The following TNFSF15 variants were observed in gnomAD, a reference collection of about 807,000 sequenced individuals.
The protein encoded by TNFSF15 is TNF superfamily member 15, also known as tumor necrosis factor ligand superfamily member 15.
A neutral mutation model predicts 26.4 loss-of-function variants in TNFSF15; 15 were observed. That is an observed-to-expected ratio of 0.57 (90% CI 0.38 to 0.87). The LOEUF (loss-of-function observed/expected upper bound fraction) is 0.87. TNFSF15 is among the 40% of genes least tolerant of loss of function. The pLI, the probability that TNFSF15 is intolerant of heterozygous loss-of-function variation, is 0.00. For missense variants in TNFSF15, 290 were observed against 306.1 expected, an observed-to-expected ratio of 0.95 and a Z score of 0.39; for synonymous variants, 116 against 115.0, an observed-to-expected ratio of 1.01 and a Z score of -0.06.
At position 114,791,007 on chromosome 9, in the gene TNFSF15, A is replaced by G. The variant is rs1829589518; in HGVS notation, c.302-101T>C. 5 of 1,194,180 alleles carry G rather than the reference A, an allele frequency of 4.2e-6. No individual in the cohort carries two copies. In the South Asian group the frequency reaches 4.4e-5, roughly 10 times the overall value. 74.0% of individuals were successfully genotyped at this position (1,194,180 alleles called of 1,614,324 possible). ...TTTCAAAATAGACTAAAGTGATCGA[A>G]TATACCTAACAGCTAAAAACTGCTT... is the stretch of plus-strand genomic sequence containing the variant. On this transcript the variant is annotated intron_variant, in intron 3 of 3. Coordinates refer to ENST00000374045, the MANE Select transcript of TNFSF15 (RefSeq NM_005118.4).
At chr9:114,796,105 G>C (rs1829669854) in intron 1 of TNFSF15, among the ~76,000 whole-genome samples, 1 of 152,202 alleles carries the variant, frequency 6.6e-6, no homozygotes, top group South Asian at 2.1e-4. Context: ...TACCAGACCT[G>C]AAATTTTCTT....
At position 114,790,827 on chromosome 9, in the gene TNFSF15, G is replaced by A. The variant is rs374337566; in HGVS notation, c.381C>T (p.Phe127=). 1.2e-6 allele frequency: 2 copies of A among 1,614,058 alleles called. No homozygotes were observed. Among genetic ancestry groups the A allele is most frequent in the African/African-American group, 1.3e-5 (1 of 74,922 alleles). Residue 127 remains phenylalanine (F), a synonymous_variant, in exon 4 of 4, where the codon TTC becomes TTT. Coordinates refer to ENST00000374045, the MANE Select transcript of TNFSF15 (RefSeq NM_005118.4). ...LHWEHELGLA[F]TKNRMNYTNK... is the part of the protein sequence containing the mutation. ...TGGTATAGTTCATTCGGTTCTTGGT[G>A]AAGGCCAGGCCTAGTTCATGTTCCC... is the stretch of plus-strand genomic sequence containing the variant.
chr9:114,797,089 G>C (rs1342350956), intron 1 of TNFSF15, among the ~76,000 whole-genome samples: 3 of 152,150 alleles, frequency 2.0e-5, no homozygotes, highest in Non-Finnish European at 4.4e-5. Context: ...TACCTGCCCT[G>C]GTTGGCCTCT....
chr9:114,805,704 C>G (rs1045780011), intron 1 of TNFSF15, 99 bp downstream of exon 1: 1 of 1,167,772 alleles, frequency 8.6e-7, no homozygotes, highest in Non-Finnish European at 1.2e-6. Context: ...AAATGTGATA[C>G]ATCAAGAAAC....
chr9:114,795,241 C>T (rs1050659620), intron 1 of TNFSF15, among the ~76,000 whole-genome samples: 24 of 152,096 alleles, frequency 1.6e-4, no homozygotes, highest in East Asian at 3.9e-4. Flanking sequence ...AATATGATTT[C>T]GACTCAACCC....
chr9:114,798,027 G>A (rs1451455474), intron 1 of TNFSF15, among the ~76,000 whole-genome samples: 3 of 152,172 alleles, frequency 2.0e-5, no homozygotes, highest in Admixed American at 6.5e-5. Flanking sequence ...TGAGGATGCA[G>A]TGACTTCAGC....
At chr9:114,803,683 G>T (rs896116539) in intron 1 of TNFSF15, among the ~76,000 whole-genome samples, 1 of 152,208 alleles carries the variant, frequency 6.6e-6, no homozygotes, top group African/African-American at 2.4e-5. Context: ...GAGGCAGGGT[G>T]GGGGATGGGG....
At chr9:114,790,976 T>C in intron 3 of TNFSF15, 70 bp from the exon 4 acceptor site, 2 of 1,483,752 alleles carry the variant, frequency 1.3e-6, no homozygotes, top group East Asian at 2.3e-5. Flanking sequence ...AAGTGTCTCA[T>C]ATCATTTTCA....
In TNFSF15 at chr9:114,787,354, A is replaced by G. The variant is rs1829519024; in HGVS notation, c.*3098T>C. The G allele has an allele frequency of 6.6e-6, 1 of 152,228 alleles. No individual in the cohort carries two copies. The highest frequency in any genetic ancestry group is 2.4e-5 in the African/African-American group (1 of 41,458). The allele number at this position is 152,228 out of a possible 1,614,324, so 9.4% of individuals were successfully genotyped here. ...CCATGTGCCTAAAGTTTACGAATTA[A>G]TTAGCTAATACAACCAAAATAAATT... On this transcript the variant is annotated 3_prime_UTR_variant, in exon 4 of 4. Coordinates refer to ENST00000374045, the MANE Select transcript of TNFSF15 (RefSeq NM_005118.4).
intron 2 of TNFSF15, 23 bp downstream of exon 2, chr9:114,793,503 G>T: frequency 6.2e-7 from 1 of 1,613,130 alleles, no homozygotes; most frequent in South Asian, 1.1e-5. Context: ...ACGAGGAAAG[G>T]CGTTGAAGAT....
At chr9:114,804,100 C>T (rs1302058028) in intron 1 of TNFSF15, among the ~76,000 whole-genome samples, 1 of 152,204 alleles carries the variant, frequency 6.6e-6, no homozygotes, top group African/African-American at 2.4e-5. Context: ...TAAGAAGTTA[C>T]AGAGCCTGGG....
chr9:114,799,742 C>G (rs903554224), intron 1 of TNFSF15, among the ~76,000 whole-genome samples: 5 of 152,194 alleles, frequency 3.3e-5, no homozygotes, highest in African/African-American at 1.2e-4. Flanking sequence ...TGGCCTGGCA[C>G]TCAGCGATAT....
rs1413967313 is a variant in TNFSF15, at chr9:114,790,539, C to T, written c.669G>A (p.Gly223=). 5 of 1,613,908 alleles carry T rather than the reference C, an allele frequency of 3.1e-6. No individual in the cohort carries two copies. The highest frequency in any genetic ancestry group is 1.7e-5 in the Admixed American group (1 of 59,990). ...CACTGACGTTCACCATTAGCTTGTC[C>T]CCTTCTTGCAAGGAGAACATGGCTC... The part of the protein sequence containing the change: ...YLGAMFSLQE[G]DKLMVNVSDI... Residue 223 remains glycine (G), a synonymous_variant, in exon 4 of 4, where the codon GGG becomes GGA. Transcript: ENST00000374045.
At chr9:114,805,777 C>G in intron 1 of TNFSF15, 26 bp downstream of exon 1, 1 of 1,608,978 alleles carries the variant, frequency 6.2e-7, no homozygotes, top group Non-Finnish European at 8.5e-7. Context: ...TGCTCCTCCC[C>G]AAGGTCAGAG....
chr9:114,803,645 C>T (rs997509353), intron 1 of TNFSF15, among the ~76,000 whole-genome samples: 10 of 152,222 alleles, frequency 6.6e-5, no homozygotes, highest in African/African-American at 2.4e-4. Flanking sequence ...CTGGCTTCCT[C>T]CTGAGCCTGG....
intron 3 of TNFSF15, chr9:114,791,309 G>A (rs1002133381): frequency 2.5e-5 from 7 of 279,126 alleles, no homozygotes; most frequent in East Asian, 1.6e-4. Context: ...TCTTGTTTAC[G>A]TATGACAAGG....
intron 1 of TNFSF15, among the ~76,000 whole-genome samples, chr9:114,802,948 G>A (rs1189536056): frequency 6.6e-6 from 1 of 152,104 alleles, no homozygotes; most frequent in Non-Finnish European, 1.5e-5. Context: ...AATCCCCTGG[G>A]CCTCAGTGTC....
rs1240942553 is a variant in TNFSF15 at position 114,793,564 on chromosome 9, A to G, written c.215T>C (p.Leu72Pro). 1 of 1,613,860 alleles carries G rather than the reference A, an allele frequency of 6.2e-7. No individual in the cohort carries two copies. The highest frequency in any genetic ancestry group is 8.5e-7 in the Non-Finnish European group (1 of 1,179,774). Residue 72 changes from leucine to proline, a missense_variant, in exon 2 of 4, where the codon CTA becomes CCA. Leu to Pro is a moderately conservative substitution (Grantham distance 98). Transcript: ENST00000374045. ...TGAAGGTGCAAACTCCTGTCCTTTT[A>G]GAGCCTATTGGGAAAGAAAGTATAG... ...QGEACVQFQA[L>P]KGQEFAPSHQ...
chr9:114,789,797 T>G lies in TNFSF15; in HGVS notation c.*655A>C, dbSNP rs1280278512. 3 of 152,352 alleles carry G rather than the reference T, an allele frequency of 2.0e-5. No individual in the cohort carries two copies. Among genetic ancestry groups the G allele is most frequent in the Non-Finnish European group, 4.4e-5 (3 of 68,036 alleles). 9.4% of individuals were successfully genotyped at this position (152,352 alleles called of 1,614,324 possible). On this transcript the variant is annotated 3_prime_UTR_variant, in exon 4 of 4. Transcript: ENST00000374045. ...ACTGAATACAAGCAACTGTTGTATT[T>G]TTGATATACATGTGAAACTCATACT...
Sources: gnomAD v4.1 joint callset for allele counts (sites outside exome capture counted in the v4.1 genomes callset) on GRCh38, gnomAD v4.1.1 for gene constraint, MANE v1.5 for transcripts, NCBI Gene and HGNC (gene_info 2026-07-23, HGNC 2026-07-21) for gene names.